ZC3H12B: variants seen among roughly 807,000 people sequenced by gnomAD.
ZC3H12B encodes the protein zinc finger CCCH-type containing 12B, also known as probable ribonuclease ZC3H12B.
Under a neutral mutation model 43.9 loss-of-function variants are expected in ZC3H12B, and 7 were observed. The ratio of observed to expected loss-of-function variants is 0.16; its 90% CI spans 0.09 to 0.30. ZC3H12B has a LOEUF of 0.30. Among genes scored for constraint, ZC3H12B ranks in the 10% least tolerant of loss-of-function variants. The probability of loss-of-function intolerance (pLI) is 1.00; values close to 1 mark genes in which losing one functional copy is unlikely to be tolerated. For missense variants in ZC3H12B, 475 were observed against 670.2 expected (o/e 0.71, Z 3.22); for synonymous variants, 222 against 241.7 (o/e 0.92, Z 0.76).
chrX:65,357,027 G>A, the ZC3H12B span: 3 of 566,323 alleles, frequency 5.3e-6, no homozygotes, highest in Non-Finnish European at 9.3e-6. Context: ...GACCTAAAAT[G>A]AAAGTTCCAC....
chrX:65,503,086 C>T (rs920358346), exon 5 of ZC3H12B: 1 of 1,211,507 alleles, frequency 8.3e-7, no homozygotes, highest in Middle Eastern at 2.3e-4. Context: ...ATCAGACCTA[C>T]AAGAACCTCT....
At chrX:65,407,624 G>A (rs2066848273) in intron 3 of ZC3H12B, among the ~76,000 whole-genome samples, 1 of 113,650 alleles carries the variant, frequency 8.8e-6, no homozygotes, top group African/African-American at 3.2e-5. Flanking sequence ...AAAACCCGAA[G>A]AGGAGGCGGA....
At chrX:65,375,483 A>G (rs1347716557) in intron 2 of ZC3H12B, among the ~76,000 whole-genome samples, 2 of 112,334 alleles carry the variant, frequency 1.8e-5, no homozygotes, top group South Asian at 3.7e-4. Flanking sequence ...AGCACATGCC[A>G]CATCGCGCCC....
At chrX:65,175,766 C>A in the ZC3H12B span, among the ~76,000 whole-genome samples, 4 of 112,174 alleles carry the variant, frequency 3.6e-5, no homozygotes, top group South Asian at 1.5e-3. Context: ...GGGGCGTTGC[C>A]TCACCTGGGA....
At chrX:65,316,260 G>A in the ZC3H12B span, among the ~76,000 whole-genome samples, 2 of 112,226 alleles carry the variant, frequency 1.8e-5, no homozygotes, top group Admixed American at 1.9e-4. Flanking sequence ...TTTGAGGATA[G>A]TGTACATGAA....
chrX:65,041,003 C>A, the ZC3H12B span, among the ~76,000 whole-genome samples: 1 of 112,165 alleles, frequency 8.9e-6, no homozygotes. Context: ...GTTTTGAACT[C>A]CTGAGCTCAA....
the ZC3H12B span, among the ~76,000 whole-genome samples, chrX:65,192,365 C>G: frequency 1.8e-5 from 2 of 111,185 alleles, no homozygotes; most frequent in African/African-American, 6.5e-5. Context: ...TCTGATTGCT[C>G]TAATTGGGAC....
At chrX:65,162,173 G>T in the ZC3H12B span, among the ~76,000 whole-genome samples, 1 of 111,187 alleles carries the variant, frequency 9.0e-6, no homozygotes, top group Non-Finnish European at 1.9e-5. Context: ...TGGGTAACCT[G>T]ACCTTTCTCT....
At chrX:65,431,413 T>G (rs2067160141) in intron 3 of ZC3H12B, among the ~76,000 whole-genome samples, 1 of 112,455 alleles carries the variant, frequency 8.9e-6, no homozygotes, top group African/African-American at 3.2e-5. Flanking sequence ...GCTGGCAGAT[T>G]GGGGACTCAG....
chrX:65,202,126 TATATATATTTTATATAATATGAA>T, the ZC3H12B span, among the ~76,000 whole-genome samples: 1 of 83,141 alleles, frequency 1.2e-5, no homozygotes, highest in African/African-American at 6.5e-5. Flanking sequence ...TTATATGTAA[TATATATATTTTATATAATATGAA>T]ATATATATTA....
At chrX:65,461,787 G>T (rs184398967) in intron 3 of ZC3H12B, among the ~76,000 whole-genome samples, 1 of 110,297 alleles carries the variant, frequency 9.1e-6, no homozygotes, top group South Asian at 3.9e-4. Flanking sequence ...CACAAACATG[G>T]CCCATGTATA....
chrX:65,094,245 G>T, the ZC3H12B span, among the ~76,000 whole-genome samples: 1 of 101,671 alleles, frequency 9.8e-6, no homozygotes, highest in Non-Finnish European at 2.0e-5. Flanking sequence ...GTGGAACCAT[G>T]AGCCAATTAA....
At chrX:65,500,276 A>C (rs1455121562) in intron 4 of ZC3H12B, among the ~76,000 whole-genome samples, 1 of 112,703 alleles carries the variant, frequency 8.9e-6, no homozygotes, top group East Asian at 2.8e-4. Flanking sequence ...GGAAGCAGGG[A>C]AATGAAGAAA....
chrX:65,495,122 G>A (rs1255904749), intron 1 of ZC3H12B, among the ~76,000 whole-genome samples: 1 of 111,847 alleles, frequency 8.9e-6, no homozygotes, highest in Non-Finnish European at 1.9e-5. Flanking sequence ...CTTTTTAGGA[G>A]TCAGTGGTAG....
chrX:65,421,628 G>A lies in ZC3H12B; in HGVS notation n.407+22924G>A, dbSNP rs2067018116. On this transcript the variant is annotated intron_variant and non_coding_transcript_variant, in intron 3 of 5. Coordinates refer to the ZC3H12B transcript ENST00000617377. ...CTCCACAATCATGGTATTTCACACA[G>A]CATTGCTTCTGATCAAGGAACTCAC... 2.7e-5 allele frequency among the ~76,000 whole-genome samples: 3 copies of A among 112,343 alleles called. No homozygotes were observed. In the South Asian group the frequency reaches 1.1e-3, roughly 41 times the overall value.
chrX:65,144,797 G>T, the ZC3H12B span, among the ~76,000 whole-genome samples: 15,807 of 110,669 alleles, frequency 0.14, 2,731 homozygotes, highest in African/African-American at 0.49. Flanking sequence ...GTTCCTTTTG[G>T]AGTTTCCAGT....
the ZC3H12B span, among the ~76,000 whole-genome samples, chrX:65,035,851 AAC>A: frequency 8.9e-6 from 1 of 112,122 alleles, no homozygotes; most frequent in Non-Finnish European, 1.9e-5. Context: ...TAATAAAACA[AAC>A]ACACACTCCA....
chrX:65,431,129 T>A (rs2067157034), intron 3 of ZC3H12B, among the ~76,000 whole-genome samples: 1 of 112,633 alleles, frequency 8.9e-6, no homozygotes, highest in Non-Finnish European at 1.9e-5. Flanking sequence ...ACCTACTTCT[T>A]TTCTTGTGAA....
the ZC3H12B span, among the ~76,000 whole-genome samples, chrX:65,209,701 T>C: frequency 1.8e-5 from 2 of 109,801 alleles, no homozygotes; most frequent in African/African-American, 3.3e-5. Context: ...AACAGCATGG[T>C]ACTGGTACCA....
Sources: gnomAD v4.1 joint callset for allele counts (sites outside exome capture counted in the v4.1 genomes callset) on GRCh38, gnomAD v4.1.1 for gene constraint, MANE v1.5 for transcripts, NCBI Gene and HGNC (gene_info 2026-07-23, HGNC 2026-07-21) for gene names.